The following BICDL2 variants were observed in gnomAD, a reference collection of about 807,000 sequenced individuals.
BICDL2 encodes BICD family like cargo adaptor 2, also known as BICD family-like cargo adapter 2.
A neutral mutation model predicts 56.6 loss-of-function variants in BICDL2; 62 were observed. The observed-to-expected ratio is 1.10, with a 90% CI of 0.89 to 1.35. The LOEUF (loss-of-function observed/expected upper bound fraction) is 1.35. Among genes scored for constraint, BICDL2 ranks in the 40% most tolerant of loss-of-function variants. BICDL2 has a pLI of 0.00. For missense variants in BICDL2, 808 were observed against 684.5 expected (o/e 1.18, Z -2.01); for synonymous variants, 358 against 319.8 (o/e 1.12, Z -1.27).
rs1364195561 is a variant in BICDL2 at position 3,028,726 on chromosome 16, G to A, written c.1212C>T (p.Leu404=). ...TGTTCACGGCCTCGTCCCGGTCTGA[G>A]AGGGCACTGTGCAGGGCCTCCCCAG... is the stretch of plus-strand genomic sequence containing the variant. ...EDPGEALHSA[L]SDRDEAVNKA... The change falls in exon 8 of 10, where the codon CTC becomes CTT. Residue 404 remains leucine (L), a synonymous_variant. Transcript: ENST00000572449. The A allele has an allele frequency of 6.4e-7, 1 of 1,568,136 alleles. No individual in the cohort carries two copies. The highest frequency in any genetic ancestry group is 1.9e-5 in the Admixed American group (1 of 53,096).
intron 5 of BICDL2, 160 bp from the exon 6 acceptor site, chr16:3,029,899 C>G: frequency 1.7e-6 from 1 of 601,442 alleles, no homozygotes; most frequent in Non-Finnish European, 2.8e-6. Context: ...GGGCCGTGCA[C>G]CTCCCTCAGC....
chr16:3,035,238 C>G lies in BICDL2; in HGVS notation c.259G>C (p.Ala87Pro). The part of the protein sequence containing the change: ...ELRRQLETLS[A>P]QHLEREERLQ... ...ACTTCCTCACGCTCCAAGTGCTGGGCGCTCAGCGTCTCCAGCTGCCGCCGC... is the reference window on the plus strand; with the variant it reads ...ACTTCCTCACGCTCCAAGTGCTGGGGGCTCAGCGTCTCCAGCTGCCGCCGC... The change falls in exon 2 of 10, where the codon GCC (alanine) becomes CCC (proline). Residue 87 changes from alanine (A) to proline (P), a missense_variant. Transcript: ENST00000572449. 1 of 1,442,878 alleles carries G rather than the reference C, an allele frequency of 6.9e-7. No homozygotes were observed. The highest frequency in any genetic ancestry group is 9.2e-7 in the Non-Finnish European group (1 of 1,081,190). 89.4% of individuals were successfully genotyped at this position (1,442,878 alleles called of 1,614,324 possible).
At chr16:3,031,444 C>A in intron 2 of BICDL2, 1 of 530,888 alleles carries the variant, frequency 1.9e-6, no homozygotes, top group South Asian at 3.0e-5. Context: ...GACCTGAGGT[C>A]GCAAGCGCCG....
chr16:3,029,546 G>C lies in BICDL2; in HGVS notation c.956C>G (p.Pro319Arg), dbSNP rs750413160. 1.1e-5 allele frequency: 17 copies of C among 1,552,954 alleles called. No individual in the cohort carries two copies. The South Asian group carries it at 1.4e-4, about 13-fold the overall frequency. The change falls in exon 6 of 10, where the codon CCG becomes CGG. Residue 319 changes from proline (P) to arginine (R), a missense_variant and splice_region_variant. Physicochemically the swap from Pro to Arg is moderately radical, Grantham distance 103. Coordinates refer to ENST00000572449, the MANE Select transcript of BICDL2 (RefSeq NM_001369667.1). ...GQGADAPGDT[P>R]TTRSPKTRKA... ...GGGGCTGGGGCCCCACGAGCTCACCGGGGTGTCTCCGGGTGCGTCGGCGCC... is the reference window on the plus strand; with the variant it reads ...GGGGCTGGGGCCCCACGAGCTCACCCGGGTGTCTCCGGGTGCGTCGGCGCC...
chr16:3,029,269 C>T lies in BICDL2; in HGVS notation c.1107+11G>A, dbSNP rs1267909351. Reference sequence around the variant, plus strand: ...GGGGCCGTGCATCCAGCACCGTGCCCTCTGCCCCACCTCATCTTGCAGCTT... The same window carrying T: ...GGGGCCGTGCATCCAGCACCGTGCCTTCTGCCCCACCTCATCTTGCAGCTT... On this transcript the variant is annotated intron_variant, in intron 7 of 9. Transcript: ENST00000572449. 3 of 1,608,810 alleles carry T rather than the reference C, an allele frequency of 1.9e-6. No homozygotes were observed. Among genetic ancestry groups the T allele is most frequent in the Non-Finnish European group, 1.7e-6 (2 of 1,178,338 alleles).
chr16:3,028,062 A>G lies in BICDL2; in HGVS notation c.*44T>C, dbSNP rs1483737450. 1.4e-6 allele frequency: 2 copies of G among 1,395,170 alleles called. No homozygotes were observed. The highest frequency in any genetic ancestry group is 3.3e-5 in the South Asian group (2 of 60,126). The allele number at this position is 1,395,170 out of a possible 1,614,324, so 86.4% of individuals were successfully genotyped here. A position where few individuals can be genotyped will look rare whatever the true frequency, so the allele number is the denominator to read the frequency against. ...GTCGCTCCATTGGCCTGAAGAGGAA[A>G]GTGAGCCCCTAAGTGGGCAAGGGCA... On this transcript the variant is annotated 3_prime_UTR_variant, in exon 10 of 10. Coordinates refer to ENST00000572449, the MANE Select transcript of BICDL2 (RefSeq NM_001369667.1).
rs765076227 is a variant in BICDL2, at chr16:3,029,664, C to G, written c.838G>C (p.Glu280Gln). The G allele has an allele frequency of 8.5e-6, 13 of 1,537,462 alleles. No homozygotes were observed. In the East Asian group the frequency reaches 2.9e-4, roughly 35 times the overall value. Residue 280 changes from glutamate to glutamine, a missense_variant, in exon 6 of 10, where the codon GAG becomes CAG. Coordinates refer to ENST00000572449, the MANE Select transcript of BICDL2 (RefSeq NM_001369667.1). Reference sequence around the variant, plus strand: ...GCGTCCTGGAGGCGTGACTCCTCCTCCAGCTCGGAGACGCGCCGCTGCAGC... The same window carrying G: ...GCGTCCTGGAGGCGTGACTCCTCCTGCAGCTCGGAGACGCGCCGCTGCAGC... ...RRLQRRVSEL[E>Q]EESRLQDADV...
chr16:3,035,176 T>TTGGGGGGG, intron 2 of BICDL2, 39 bp downstream of exon 2: 2 of 136,272 alleles, frequency 1.5e-5, no homozygotes, highest in Admixed American at 1.1e-4. Flanking sequence ...CGTCCTCCCC[T>TTGGGGGGG]GCCCACCCAC....
In BICDL2 at chr16:3,031,905, C is replaced by G. The variant is rs563703171; in HGVS notation, c.283-755G>C. 2.5e-5 allele frequency: 5 copies of G among 198,034 alleles called. No homozygotes were observed. The South Asian group carries it at 7.6e-4, about 30-fold the overall frequency. The allele number at this position is 198,034 out of a possible 1,614,324, so 12.3% of individuals were successfully genotyped here. A position where few individuals can be genotyped will look rare whatever the true frequency, so the allele number is the denominator to read the frequency against. On this transcript the variant is annotated intron_variant, in intron 2 of 9. Coordinates refer to ENST00000572449, the MANE Select transcript of BICDL2 (RefSeq NM_001369667.1). ...GCTAAGTGCCTTGCCTAAGGACACA[C>G]AGTCATTTATTGTTGTTTTTATTTT...
chr16:3,033,996 C>T lies in BICDL2; in HGVS notation c.282+1219G>A, dbSNP rs74005575. ...TCAGGCTCAGGGCAGTGGTTGGGGC[C>T]GACGCAGCAGATAAAGGAGGGTGTT... On this transcript the variant is annotated intron_variant, in intron 2 of 9. Transcript: ENST00000572449. Among the ~76,000 whole-genome samples the T allele has an allele frequency of 7.6e-3, 1,157 of 152,078 alleles. 14 individuals are homozygous for T. The highest frequency in any genetic ancestry group is 0.026 in the African/African-American group (1,069 of 41,468).
At chr16:3,031,663 C>T (rs1955658084) in intron 2 of BICDL2, 8 of 402,326 alleles carry the variant, frequency 2.0e-5, no homozygotes, top group Non-Finnish European at 3.1e-5. Context: ...CCCAGATGCC[C>T]AGCGTGGGGA....
rs1223407330 is a variant in BICDL2, at chr16:3,029,670, C to T, written c.832G>A (p.Glu278Lys). The change falls in exon 6 of 10, where the codon GAG becomes AAG. Residue 278 changes from glutamate (E) to lysine (K), a missense_variant. Glu to Lys is a moderately conservative substitution (Grantham distance 56). Coordinates refer to ENST00000572449, the MANE Select transcript of BICDL2 (RefSeq NM_001369667.1). ...TGGAGGCGTGACTCCTCCTCCAGCT[C>T]GGAGACGCGCCGCTGCAGCCTCCGC... is the stretch of plus-strand genomic sequence containing the variant. ...ALRRLQRRVS[E>K]LEEESRLQDA... is the part of the protein sequence containing the mutation. 1.4e-5 allele frequency: 22 copies of T among 1,537,854 alleles called. No homozygotes were observed. Among genetic ancestry groups the T allele is most frequent in the Non-Finnish European group, 1.9e-5 (22 of 1,147,682 alleles).
chr16:3,027,966 C>T lies in BICDL2; in HGVS notation c.*140G>A. The T allele has an allele frequency of 8.0e-7, 1 of 1,255,994 alleles. No homozygotes were observed. Among genetic ancestry groups the T allele is most frequent in the Admixed American group, 3.6e-5 (1 of 27,734 alleles). The allele number at this position is 1,255,994 out of a possible 1,614,324, so 77.8% of individuals were successfully genotyped here. Reference sequence around the variant, plus strand: ...CCCTGCTCCGGATGAGCCCCTGCTCCCGATGAGCCCTTGCCCAGCATCCTG... The same window carrying T: ...CCCTGCTCCGGATGAGCCCCTGCTCTCGATGAGCCCTTGCCCAGCATCCTG... On this transcript the variant is annotated 3_prime_UTR_variant, in exon 10 of 10. Coordinates refer to ENST00000572449, the MANE Select transcript of BICDL2 (RefSeq NM_001369667.1).
At chr16:3,030,842 C>T (rs367857030) in intron 3 of BICDL2, 30 bp from the exon 4 acceptor site, 92 of 1,580,324 alleles carry the variant, frequency 5.8e-5, no homozygotes, top group Non-Finnish European at 7.2e-5. Context: ...GACAGAGGAG[C>T]CTCAGCACCA....
At chr16:3,029,857 G>A in intron 5 of BICDL2, 118 bp from the exon 6 acceptor site, 1 of 874,354 alleles carries the variant, frequency 1.1e-6, no homozygotes, top group South Asian at 1.8e-5. Flanking sequence ...AGCGGCCCAG[G>A]CTGTTCCCGT....
intron 1 of BICDL2, chr16:3,035,823 T>A (rs1955726879): frequency 2.6e-6 from 1 of 388,274 alleles, no homozygotes; most frequent in Non-Finnish European, 4.7e-6. Context: ...CTGCTCCCTG[T>A]CCCCTCTCTT....
intron 5 of BICDL2, 133 bp downstream of exon 5, chr16:3,030,316 G>A: frequency 1.7e-6 from 2 of 1,168,902 alleles, no homozygotes; most frequent in South Asian, 3.2e-5. Context: ...ATTTGCCCAT[G>A]GGCTAATGCC....
chr16:3,033,309 A>C (rs1955682948), intron 2 of BICDL2, among the ~76,000 whole-genome samples: 1 of 152,006 alleles, frequency 6.6e-6, no homozygotes, highest in African/African-American at 2.4e-5. Flanking sequence ...CATGTAAATA[A>C]CAACAATAAT....
Position 3,028,207 on chromosome 16 carries a change from C to G in BICDL2, c.1426G>C (p.Ala476Pro). The change falls in exon 10 of 10, where the codon GCG becomes CCG. Residue 476 changes from alanine to proline, a missense_variant. Coordinates refer to ENST00000572449, the MANE Select transcript of BICDL2 (RefSeq NM_001369667.1). Reference sequence around the variant, plus strand: ...GCACGGCGCGGGGTCGACGACGACGCGGAGGCGCTCAGCTCCTTCTGGCGC... The same window carrying G: ...GCACGGCGCGGGGTCGACGACGACGGGGAGGCGCTCAGCTCCTTCTGGCGC... The part of the protein sequence containing the change: ...SQRQKELSAS[A>P]SSSTPRRAAP... The G allele has an allele frequency of 6.8e-7, 1 of 1,469,398 alleles. No individual in the cohort carries two copies. The allele number at this position is 1,469,398 out of a possible 1,614,324, so 91.0% of individuals were successfully genotyped here.
Sources: allele counts gnomAD v4.1 joint callset (sites outside exome capture counted in the v4.1 genomes callset), GRCh38; gene constraint gnomAD v4.1.1; transcripts MANE v1.5; gene names NCBI Gene and HGNC (gene_info 2026-07-23, HGNC 2026-07-21).